Variants in WAC observed in about 807,000 individuals in gnomAD.
WAC encodes WW domain-containing adapter protein with coiled-coil.
Under a neutral mutation model 79.6 loss-of-function variants are expected in WAC, and 11 were observed. The ratio of observed to expected loss-of-function variants is 0.14; its 90% CI spans 0.09 to 0.23. The LOEUF (loss-of-function observed/expected upper bound fraction) is 0.23, where lower values mean the gene tolerates loss of function less well. Among genes scored for constraint, WAC ranks in the 10% least tolerant of loss-of-function variants. The pLI, the probability that WAC is intolerant of heterozygous loss-of-function variation, is 1.00. For missense variants in WAC, 728 were observed against 773.5 expected (o/e 0.94, Z 0.70); for synonymous variants, 304 against 276.9 (o/e 1.10, Z -0.97).
chr10:28,570,439 G>C (rs1426170129), intron 3 of WAC, among the ~76,000 whole-genome samples: 1 of 152,184 alleles, frequency 6.6e-6, no homozygotes, highest in Non-Finnish European at 1.5e-5. Context: ...GACACTCTCT[G>C]TATCCCTTAT....
intron 3 of WAC, chr10:28,537,464 A>G (rs1320486768): frequency 6.6e-6 from 1 of 152,194 alleles, no homozygotes; most frequent in Non-Finnish European, 1.5e-5. Flanking sequence ...TCTTCTTACA[A>G]ATAGGCTCTT....
chr10:28,595,715 T>G lies in WAC; in HGVS notation c.611-18T>G. ...TTCTGTCATTCCAACATCTGTTTTTTCGAACTGTGAACTAAAGTGGAAGAC... is the reference window on the plus strand; with the variant it reads ...TTCTGTCATTCCAACATCTGTTTTTGCGAACTGTGAACTAAAGTGGAAGAC... On this transcript the variant is annotated intron_variant, in intron 6 of 13. Transcript: ENST00000354911. 1 of 1,602,908 alleles carries G rather than the reference T, an allele frequency of 6.2e-7. No homozygotes were observed. Among genetic ancestry groups the G allele is most frequent in the Non-Finnish European group, 8.5e-7 (1 of 1,172,296 alleles).
intron 8 of WAC, among the ~76,000 whole-genome samples, 198 bp from the exon 9 acceptor site, chr10:28,610,501 A>G (rs959489383): frequency 1.3e-5 from 2 of 151,648 alleles, no homozygotes; most frequent in Admixed American, 6.6e-5. Context: ...TTGTAAACCC[A>G]TTAAGTTTCT....
chr10:28,566,166 A>G lies in WAC; in HGVS notation c.275-17233A>G, dbSNP rs138799878. Among the ~76,000 whole-genome samples the G allele has an allele frequency of 2.8e-3, 422 of 152,270 alleles. 2 individuals carry two copies. Among genetic ancestry groups the G allele is most frequent in the African/African-American group, 9.5e-3 (394 of 41,536 alleles). ...GTCAGACAAAGCTCCAGGGAAGAATACTTTCTGTCTTACTCTTTTGGTGTC... is the reference window on the plus strand; with the variant it reads ...GTCAGACAAAGCTCCAGGGAAGAATGCTTTCTGTCTTACTCTTTTGGTGTC... On this transcript the variant is annotated intron_variant, in intron 3 of 13. Transcript: ENST00000354911.
chr10:28,577,699 T>C (rs1322635020), intron 3 of WAC, among the ~76,000 whole-genome samples: 3 of 152,068 alleles, frequency 2.0e-5, no homozygotes, highest in African/African-American at 7.2e-5. Flanking sequence ...TAATAATCTC[T>C]GTAAGTGAAG....
At chr10:28,575,784 C>G in intron 3 of WAC, among the ~76,000 whole-genome samples, 1 of 152,142 alleles carries the variant, frequency 6.6e-6, no homozygotes, top group Non-Finnish European at 1.5e-5. Flanking sequence ...CTGGTAGTGT[C>G]TTTTCAAACA....
At chr10:28,618,633 C>G (rs1460657346) in intron 13 of WAC, among the ~76,000 whole-genome samples, 1 of 152,178 alleles carries the variant, frequency 6.6e-6, no homozygotes, top group East Asian at 1.9e-4. Flanking sequence ...TCAAGCCAGC[C>G]TGATTATGCC....
chr10:28,611,005 T>C, intron 9 of WAC, 184 bp downstream of exon 9: 1 of 663,540 alleles, frequency 1.5e-6, no homozygotes, highest in Non-Finnish European at 2.4e-6. Context: ...TTCCTTTCTT[T>C]TTAGATGAAG....
chr10:28,597,628 A>G (rs1790728180), intron 7 of WAC, among the ~76,000 whole-genome samples: 1 of 152,076 alleles, frequency 6.6e-6, no homozygotes, highest in Non-Finnish European at 1.5e-5. Context: ...TGTTATGACT[A>G]CCAAGTCTTT....
intron 12 of WAC, among the ~76,000 whole-genome samples, chr10:28,616,680 C>T (rs773840594): frequency 6.6e-6 from 1 of 152,150 alleles, no homozygotes; most frequent in Non-Finnish European, 1.5e-5. Flanking sequence ...CCAAATAGTG[C>T]ATAAGACCTT....
intron 3 of WAC, among the ~76,000 whole-genome samples, chr10:28,549,021 C>T (rs1222907287): frequency 2.0e-5 from 3 of 152,166 alleles, no homozygotes; most frequent in Non-Finnish European, 2.9e-5. Flanking sequence ...GCCACAACCT[C>T]CCAAGTAGTT....
At chr10:28,574,272 C>CA (rs1455773093) in intron 3 of WAC, among the ~76,000 whole-genome samples, 1 of 152,136 alleles carries the variant, frequency 6.6e-6, no homozygotes, top group African/African-American at 2.4e-5. Context: ...CTCTGCCTCC[C>CA]AAGTAGCTGG....
At chr10:28,617,903 C>T in intron 13 of WAC, 119 bp downstream of exon 13, 2 of 1,094,830 alleles carry the variant, frequency 1.8e-6, no homozygotes, top group Non-Finnish European at 2.5e-6. Context: ...ATACATTGAT[C>T]ACATTCTATC....
At chr10:28,561,297 A>G (rs1266007534) in intron 3 of WAC, among the ~76,000 whole-genome samples, 12 of 152,218 alleles carry the variant, frequency 7.9e-5, no homozygotes, top group Admixed American at 5.2e-4. Flanking sequence ...TCGCCACTCA[A>G]TTACACATAA....
intron 3 of WAC, among the ~76,000 whole-genome samples, chr10:28,577,970 C>T (rs949502054): frequency 1.3e-5 from 2 of 152,132 alleles, no homozygotes; most frequent in Admixed American, 1.3e-4. Flanking sequence ...CGAAAATAGC[C>T]TGGCCAACAA....
chr10:28,534,842 A>G (rs1836541873), intron 2 of WAC, among the ~76,000 whole-genome samples: 1 of 152,236 alleles, frequency 6.6e-6, no homozygotes, highest in Non-Finnish European at 1.5e-5. Context: ...AACATTGGAT[A>G]TGTCAAAAAT....
chr10:28,536,856 A>G (rs1190375478), intron 3 of WAC, among the ~76,000 whole-genome samples: 5 of 152,242 alleles, frequency 3.3e-5, no homozygotes, highest in South Asian at 2.1e-4. Context: ...AGTAGATAAC[A>G]TATCTTAAGC....
intron 3 of WAC, among the ~76,000 whole-genome samples, chr10:28,562,084 C>G (rs1372157834): frequency 6.6e-6 from 1 of 152,060 alleles, no homozygotes; most frequent in African/African-American, 2.4e-5. Context: ...GAGATGGAGT[C>G]ACGTGCTCTG....
At chr10:28,547,671 AT>A (rs978694018) in intron 3 of WAC, among the ~76,000 whole-genome samples, 2 of 150,752 alleles carry the variant, frequency 1.3e-5, no homozygotes, top group African/African-American at 2.4e-5. Flanking sequence ...TTATCCTTTA[AT>A]TTTTTTTTCC....
Sources: allele counts gnomAD v4.1 joint callset (sites outside exome capture counted in the v4.1 genomes callset), GRCh38; gene constraint gnomAD v4.1.1; transcripts MANE v1.5; gene names NCBI Gene and HGNC (gene_info 2026-07-23, HGNC 2026-07-21).